Variants in ZNF71 observed in about 807,000 individuals in gnomAD.
The protein encoded by ZNF71 is zinc finger protein 71.
In ZNF71, 3 loss-of-function variants were observed where a neutral mutation model predicts 6.7. The observed-to-expected ratio is 0.45, with a 90% CI of 0.20 to 1.16. The LOEUF (loss-of-function observed/expected upper bound fraction) is 1.16. Among genes scored for constraint, ZNF71 ranks in the 50% most tolerant of loss-of-function variants. The pLI is 0.25. For missense variants in ZNF71, 688 were observed against 728.6 expected (o/e 0.94, Z 0.64); for synonymous variants, 343 against 311.1 (o/e 1.10, Z -1.08).
At chr19:56,604,865 C>G (rs748960943) in intron 2 of ZNF71, among the ~76,000 whole-genome samples, 1 of 152,220 alleles carries the variant, frequency 6.6e-6, no homozygotes, top group Non-Finnish European at 1.5e-5. Context: ...AGCCAGTGAG[C>G]TCTGAGTGTC....
intron 2 of ZNF71, among the ~76,000 whole-genome samples, chr19:56,611,159 C>T (rs1404909826): frequency 3.9e-5 from 6 of 152,174 alleles, no homozygotes; most frequent in Non-Finnish European, 7.3e-5. Flanking sequence ...GTGCAAGTTC[C>T]CTGGGGGATA....
chr19:56,618,919 G>T lies in ZNF71; in HGVS notation c.161-2349G>T, dbSNP rs933409699. Among the ~76,000 whole-genome samples the T allele has an allele frequency of 1.3e-5, 2 of 152,158 alleles. No homozygotes were observed. Among genetic ancestry groups the T allele is most frequent in the African/African-American group, 2.4e-5 (1 of 41,438 alleles). ...CCGGAGGAGTGGAGGACGCATTGCA[G>T]GGGTGAGAATGGGGTGGGGAGGACA... On this transcript the variant is annotated intron_variant, in intron 3 of 3. Coordinates refer to ENST00000599599, the MANE Select transcript of ZNF71 (RefSeq NM_001370215.1). The surrounding 1 kb of genome is among the most constrained non-coding windows in gnomAD (Gnocchi z 4.6).
intron 2 of ZNF71, among the ~76,000 whole-genome samples, chr19:56,611,629 A>G (rs1452807827): frequency 1.3e-5 from 2 of 152,192 alleles, no homozygotes; most frequent in Non-Finnish European, 2.9e-5. Context: ...AAACAGGCAT[A>G]CTATATTATA....
chr19:56,603,671 C>T lies in ZNF71; in HGVS notation c.33+2080C>T, dbSNP rs530589448. Among the ~76,000 whole-genome samples the T allele has an allele frequency of 3.3e-5, 5 of 152,238 alleles. No individual in the cohort carries two copies. The highest frequency in any genetic ancestry group is 7.2e-5 in the African/African-American group (3 of 41,542). ...TTCCTAAGCGATTGCACCATGATGC[C>T]TTCATTTTTGTCTCATCTGTGATTC... On this transcript the variant is annotated intron_variant, in intron 2 of 3. Coordinates refer to ENST00000599599, the MANE Select transcript of ZNF71 (RefSeq NM_001370215.1). The surrounding 1 kb of genome is among the most constrained non-coding windows in gnomAD (Gnocchi z 4.6).
chr19:56,608,594 C>T (rs148683331), intron 2 of ZNF71, among the ~76,000 whole-genome samples: 41 of 152,246 alleles, frequency 2.7e-4, no homozygotes, highest in Non-Finnish European at 5.3e-4. Flanking sequence ...TTGGAAGTGA[C>T]ACCACACTAA....
At chr19:56,607,446 T>A (rs1394954584) in intron 2 of ZNF71, among the ~76,000 whole-genome samples, 1 of 152,242 alleles carries the variant, frequency 6.6e-6, no homozygotes, top group Non-Finnish European at 1.5e-5. Flanking sequence ...ACCTACTAAG[T>A]GCCAGGCGCT....
chr19:56,599,908 C>G (rs1271645270), intron 1 of ZNF71, among the ~76,000 whole-genome samples: 1 of 151,684 alleles, frequency 6.6e-6, no homozygotes, highest in Non-Finnish European at 1.5e-5. Context: ...GTCTTGATCT[C>G]CTGACCTCGT....
At position 56,603,838 on chromosome 19, in the gene ZNF71, T is replaced by A. The variant is rs1367274595; in HGVS notation, c.33+2247T>A. 9.1e-6 allele frequency among the ~76,000 whole-genome samples: 1 copy of A among 109,878 alleles called. No individual in the cohort carries two copies. Among genetic ancestry groups the A allele is most frequent in the Non-Finnish European group, 1.9e-5 (1 of 53,260 alleles). The allele number at this position is 109,878 out of a possible 152,430, so 72.1% of individuals were successfully genotyped here. ...AATTACATTCAATTTTTAAAAAAAA[T>A]TGAGCCTGTCTGGTTTCAGCGTTTT... On this transcript the variant is annotated intron_variant, in intron 2 of 3. Transcript: ENST00000599599. This position sits in a 1 kb window ranked among gnomAD's most constrained non-coding sequence, Gnocchi z 4.6.
At chr19:56,616,497 C>G (rs1445782813) in intron 3 of ZNF71, among the ~76,000 whole-genome samples, 1 of 152,198 alleles carries the variant, frequency 6.6e-6, no homozygotes, top group East Asian at 1.9e-4. Flanking sequence ...GTTTTCTGCC[C>G]AAAGCCCCAT....
rs901067614 is a variant in ZNF71, at chr19:56,622,370, G to A, written c.1263G>A (p.Lys421=). The change falls in exon 4 of 4, where the codon AAG becomes AAA. Residue 421 remains lysine, a synonymous_variant. Transcript: ENST00000599599. ...VKPFECSECG[K]AFSKNSSLTQ... Reference sequence around the variant, plus strand: ...CGTTCGAGTGCAGCGAGTGCGGCAAGGCCTTCAGCAAGAACTCCTCGCTCA... The same window carrying A: ...CGTTCGAGTGCAGCGAGTGCGGCAAAGCCTTCAGCAAGAACTCCTCGCTCA... 2 of 1,613,182 alleles carry A rather than the reference G, an allele frequency of 1.2e-6. No homozygotes were observed. The highest frequency in any genetic ancestry group is 2.2e-5 in the East Asian group (1 of 44,728).
In ZNF71 at chr19:56,621,278, T is replaced by C; in HGVS notation, c.171T>C (p.Thr57=). The part of the protein sequence containing the change: ...YRNLVSLDWE[T]RPEMKELDPK... The stretch of plus-strand genomic sequence containing the variant: ...TTTTGTTTTTTTCAGACTGGGAGAC[T>C]AGACCTGAAATGAAAGAGTTGGATC... The change falls in exon 4 of 4, where the codon ACT becomes ACC. Residue 57 remains threonine (T), a synonymous_variant. Transcript: ENST00000599599. 12 of 1,517,758 alleles carry C rather than the reference T, an allele frequency of 7.9e-6. No homozygotes were observed. The highest frequency in any genetic ancestry group is 1.1e-5 in the Non-Finnish European group (12 of 1,134,282). The allele number at this position is 1,517,758 out of a possible 1,614,324, so 94.0% of individuals were successfully genotyped here.
intron 1 of ZNF71, among the ~76,000 whole-genome samples, chr19:56,596,786 A>G (rs1404251763): frequency 1.3e-5 from 2 of 152,168 alleles, no homozygotes; most frequent in Non-Finnish European, 1.5e-5. Context: ...AGCCCCCACA[A>G]TTAACCACCA....
intron 2 of ZNF71, among the ~76,000 whole-genome samples, chr19:56,610,916 A>G (rs2044747388): frequency 6.6e-6 from 1 of 152,178 alleles, no homozygotes; most frequent in Non-Finnish European, 1.5e-5. Context: ...CATTGTATAT[A>G]GAGACCACAT....
At chr19:56,605,316 T>C (rs1415888038) in intron 2 of ZNF71, among the ~76,000 whole-genome samples, 3 of 152,074 alleles carry the variant, frequency 2.0e-5, no homozygotes, top group Non-Finnish European at 4.4e-5. Flanking sequence ...CATGCCATGC[T>C]GTGAGGAAGC....
chr19:56,597,043 C>G (rs1258816673), intron 1 of ZNF71, among the ~76,000 whole-genome samples: 1 of 152,140 alleles, frequency 6.6e-6, no homozygotes, highest in Non-Finnish European at 1.5e-5. Context: ...TCATGGGCCC[C>G]TTGCTCCATT....
At chr19:56,609,029 A>G (rs2044730566) in intron 2 of ZNF71, among the ~76,000 whole-genome samples, 1 of 152,216 alleles carries the variant, frequency 6.6e-6, no homozygotes, top group Non-Finnish European at 1.5e-5. Flanking sequence ...AATGGAGTGG[A>G]CATCTTTGTG....
chr19:56,604,543 C>T (rs574543061), intron 2 of ZNF71, among the ~76,000 whole-genome samples: 2 of 152,328 alleles, frequency 1.3e-5, no homozygotes, highest in South Asian at 4.1e-4. Flanking sequence ...CCTTACGACC[C>T]TGTGGAGGGG....
Position 56,621,331 on chromosome 19 carries a change from T to C in ZNF71, c.224T>C (p.Leu75Pro). The change falls in exon 4 of 4, where the codon CTC becomes CCC. Residue 75 changes from leucine (L) to proline (P), a missense_variant. By Grantham distance (98) the Leu-to-Pro change is moderately conservative. Transcript: ENST00000599599. ...DPKNDISEDKLSVVGEATGGP... is the reference protein window; with the variant it reads ...DPKNDISEDKPSVVGEATGGP... ...AAGAATGACATTTCGGAAGACAAGC[T>C]CTCCGTTGTTGGGGAGGCCACGGGG... 1.3e-6 allele frequency: 2 copies of C among 1,534,644 alleles called. No homozygotes were observed. The highest frequency in any genetic ancestry group is 8.8e-7 in the Non-Finnish European group (1 of 1,142,366).
chr19:56,612,258 C>T (rs991002356), intron 2 of ZNF71, among the ~76,000 whole-genome samples: 2 of 152,150 alleles, frequency 1.3e-5, no homozygotes, highest in Non-Finnish European at 2.9e-5. Flanking sequence ...ATGTTTATTG[C>T]AGCACGATTC....
Sources: gnomAD v4.1 joint callset for allele counts (sites outside exome capture counted in the v4.1 genomes callset) on GRCh38, gnomAD v4.1.1 for gene constraint, Gnocchi (gnomAD v3.1) non-coding constraint, MANE v1.5 for transcripts, NCBI Gene and HGNC (gene_info 2026-07-23, HGNC 2026-07-21) for gene names.